RASGRF1: variants seen among roughly 807,000 people sequenced by gnomAD.
The protein encoded by RASGRF1 is ras-specific guanine nucleotide-releasing factor 1.
Under a neutral mutation model 138.7 loss-of-function variants are expected in RASGRF1, and 40 were observed. That is an observed-to-expected ratio of 0.29 (90% CI 0.22 to 0.38). RASGRF1 has a LOEUF of 0.38. RASGRF1 is among the 10% of genes least tolerant of loss of function. RASGRF1 has a pLI of 1.00. For synonymous variants in RASGRF1, 614 were observed against 663.2 expected (o/e 0.93, Z 1.14); for missense variants, 1,108 against 1,650.4 (o/e 0.67, Z 5.69).
At chr15:79,003,567 G>A (rs946872330) in intron 15 of RASGRF1, among the ~76,000 whole-genome samples, 8 of 152,212 alleles carry the variant, frequency 5.3e-5, no homozygotes, top group Admixed American at 2.6e-4. Context: ...AAAGTGTGGC[G>A]ATGCCCTGGG....
chr15:79,023,790 G>C (rs2057000871), intron 10 of RASGRF1, among the ~76,000 whole-genome samples: 1 of 152,138 alleles, frequency 6.6e-6, no homozygotes, highest in South Asian at 2.1e-4. Context: ...GGGGACACCT[G>C]AGAAGGTCAC....
intron 1 of RASGRF1, among the ~76,000 whole-genome samples, chr15:79,086,038 G>C (rs1399290638): frequency 6.6e-6 from 1 of 152,134 alleles, no homozygotes; most frequent in Admixed American, 6.5e-5. Context: ...AGGAACATTT[G>C]GGGGATGGGG....
intron 22 of RASGRF1, among the ~76,000 whole-genome samples, chr15:78,988,056 C>T (rs893611739): frequency 6.6e-6 from 1 of 152,158 alleles, no homozygotes; most frequent in African/African-American, 2.4e-5. Flanking sequence ...GTATCAGAAC[C>T]AAATGGTGGA....
chr15:79,059,967 CACACACACACACACAGACACACAG>C (rs1416415904), intron 2 of RASGRF1, among the ~76,000 whole-genome samples: 4,315 of 19,244 alleles, frequency 0.22, 119 homozygotes, highest in African/African-American at 0.33. Flanking sequence ...GATACACTCA[CACACACACACACACAGACACACAG>C]ACACACACAC....
At chr15:79,059,377 C>CCCTTCCCAAT (rs1427156104) in intron 2 of RASGRF1, among the ~76,000 whole-genome samples, 1 of 24,870 alleles carries the variant, frequency 4.0e-5, no homozygotes, top group Non-Finnish European at 8.3e-5. Context: ...CCCAATCCTT[C>CCCTTCCCAAT]CCTTCCCTTC....
intron 11 of RASGRF1, among the ~76,000 whole-genome samples, chr15:79,019,018 G>C (rs1374867361): frequency 6.6e-6 from 1 of 152,066 alleles, no homozygotes; most frequent in Non-Finnish European, 1.5e-5. Context: ...GGGCATGAGG[G>C]GAGCAGAACC....
intron 11 of RASGRF1, among the ~76,000 whole-genome samples, chr15:79,018,336 A>C (rs2056910616): frequency 6.6e-6 from 1 of 152,240 alleles, no homozygotes; most frequent in South Asian, 2.1e-4. Flanking sequence ...CAAGGTCTTA[A>C]ACTTTTATGG....
chr15:79,065,680 G>C (rs1228762956), intron 1 of RASGRF1, among the ~76,000 whole-genome samples: 1 of 152,002 alleles, frequency 6.6e-6, no homozygotes, highest in Non-Finnish European at 1.5e-5. Context: ...GAGAGGCAGG[G>C]GGTGAGGTAC....
intron 5 of RASGRF1, among the ~76,000 whole-genome samples, chr15:79,036,166 AT>A (rs1200696465): frequency 1.3e-5 from 2 of 152,184 alleles, no homozygotes; most frequent in African/African-American, 4.8e-5. Flanking sequence ...AGGCACTCCT[AT>A]TCCTTCCTGC....
intron 24 of RASGRF1, among the ~76,000 whole-genome samples, chr15:78,976,307 T>A (rs1344091402): frequency 1.3e-5 from 2 of 152,150 alleles, no homozygotes; most frequent in Non-Finnish European, 2.9e-5. Flanking sequence ...GGCCAATCTT[T>A]TCGCTTCCCT....
At chr15:79,000,046 C>T (rs529643112) in intron 16 of RASGRF1, 133 bp from the exon 17 acceptor site, 18 of 925,188 alleles carry the variant, frequency 1.9e-5, no homozygotes, top group Middle Eastern at 2.7e-4. Flanking sequence ...CAGGGCATGT[C>T]GGGTGGTGCT....
In RASGRF1 at chr15:79,046,713, T is replaced by G. The variant is rs1166764481; in HGVS notation, c.878+33A>C. ...CTGCGGCCAATGCTCACTAGTCTCC[T>G]TCCTGCCTTGGCCAACCTTTAGGGG... On this transcript the variant is annotated intron_variant, in intron 5 of 26. Coordinates refer to ENST00000558480, the MANE Select transcript of RASGRF1 (RefSeq NM_001145648.3). This position sits in a 1 kb window ranked among gnomAD's most constrained non-coding sequence, Gnocchi z 5.3. The G allele has an allele frequency of 1.2e-6, 2 of 1,609,960 alleles. No individual in the cohort carries two copies. The highest frequency in any genetic ancestry group is 1.7e-6 in the Non-Finnish European group (2 of 1,176,408).
At chr15:79,059,048 G>GCAGGCTGCTCTGCTAACCTCCCTCCCTC (rs2141050105) in intron 2 of RASGRF1, among the ~76,000 whole-genome samples, 1 of 152,234 alleles carries the variant, frequency 6.6e-6, no homozygotes, top group Admixed American at 6.5e-5. Context: ...CGCCTCATCT[G>GCAGGCTGCTCTGCTAACCTCCCTCCCTC]CAGGCTGCTC....
chr15:79,060,056 A>G (rs1394867348), intron 2 of RASGRF1, among the ~76,000 whole-genome samples: 2 of 151,528 alleles, frequency 1.3e-5, no homozygotes, highest in African/African-American at 4.9e-5. Context: ...AGTGATGCTT[A>G]CAGTTATAGT....
intron 1 of RASGRF1, among the ~76,000 whole-genome samples, chr15:79,071,589 C>T (rs139445462): frequency 6.6e-4 from 99 of 151,024 alleles, no homozygotes; most frequent in African/African-American, 1.3e-3. Flanking sequence ...AGGCTGGTCT[C>T]GAACACCTGT....
chr15:79,033,888 C>T (rs1661949829), intron 6 of RASGRF1, among the ~76,000 whole-genome samples: 1 of 152,160 alleles, frequency 6.6e-6, no homozygotes, highest in Non-Finnish European at 1.5e-5. Context: ...CCGTGCTCGG[C>T]CAAAACATCT....
intron 26 of RASGRF1, among the ~76,000 whole-genome samples, chr15:78,967,778 A>G (rs1206606075): frequency 6.6e-6 from 1 of 152,192 alleles, no homozygotes; most frequent in African/African-American, 2.4e-5. Flanking sequence ...ACATATACGT[A>G]TAATCCTTTT....
chr15:78,991,635 G>A (rs931103079), intron 21 of RASGRF1, 56 bp downstream of exon 21: 14 of 1,420,776 alleles, frequency 9.9e-6, no homozygotes, highest in Non-Finnish European at 1.3e-5. Context: ...CCAGGGTGCT[G>A]TCCAAGACAG....
intron 8 of RASGRF1, among the ~76,000 whole-genome samples, chr15:79,030,989 C>T (rs551381777): frequency 1.3e-5 from 2 of 152,322 alleles, no homozygotes; most frequent in Admixed American, 1.3e-4. Context: ...ACTGCCACTA[C>T]CTGCCTCTGG....
Sources: gnomAD v4.1 joint callset for allele counts (sites outside exome capture counted in the v4.1 genomes callset) on GRCh38, gnomAD v4.1.1 for gene constraint, Gnocchi (gnomAD v3.1) non-coding constraint, MANE v1.5 for transcripts, NCBI Gene and HGNC (gene_info 2026-07-23, HGNC 2026-07-21) for gene names.